Variants in CSMD1 observed in about 807,000 individuals in gnomAD.
CSMD1 encodes the protein CUB and sushi domain-containing protein 1.
A neutral mutation model predicts 417.5 loss-of-function variants in CSMD1; 213 were observed. The ratio of observed to expected loss-of-function variants is 0.51; its 90% CI spans 0.46 to 0.57. CSMD1 has a LOEUF of 0.57. Ranked by LOEUF, CSMD1 falls within the 20% of genes least tolerant of loss-of-function variation. The pLI is 0.00. For synonymous variants in CSMD1, 2,862 were observed against 1,736.8 expected (o/e 1.65, Z -16.11); for missense variants, 6,923 against 4,529.7 (o/e 1.53, Z -15.17).
At chr8:3,131,011 G>C (rs969955816) in intron 41 of CSMD1, among the ~76,000 whole-genome samples, 2 of 152,146 alleles carry the variant, frequency 1.3e-5, no homozygotes, top group Non-Finnish European at 2.9e-5. Flanking sequence ...GTTTCTTACG[G>C]TCCTCCAGCG....
intron 2 of CSMD1, among the ~76,000 whole-genome samples, chr8:4,487,257 G>A (rs1201370937): frequency 5.9e-5 from 9 of 151,966 alleles, no homozygotes; most frequent in African/African-American, 2.2e-4. Context: ...GTGCCATGCC[G>A]GTGCGGTGCA....
At chr8:4,293,545 AC>A (rs1267385285) in intron 3 of CSMD1, among the ~76,000 whole-genome samples, 2 of 152,184 alleles carry the variant, frequency 1.3e-5, no homozygotes, top group Non-Finnish European at 2.9e-5. Flanking sequence ...TAGACTTGTC[AC>A]CCCTGTGCCT....
intron 3 of CSMD1, among the ~76,000 whole-genome samples, chr8:4,328,330 G>T (rs537539816): frequency 6.7e-6 from 1 of 149,756 alleles, no homozygotes; most frequent in Non-Finnish European, 1.5e-5. Context: ...TCAACTGTGC[G>T]GTCTGAGACT....
chr8:4,013,942 A>T (rs190957932), intron 4 of CSMD1, among the ~76,000 whole-genome samples: 14 of 152,312 alleles, frequency 9.2e-5, no homozygotes, highest in Admixed American at 7.8e-4. Flanking sequence ...GCCCTGATTG[A>T]TAAGTGTATG....
At position 2,998,000 on chromosome 8, in the gene CSMD1, G is replaced by A. The variant is rs771371215; in HGVS notation, c.8377+11C>T. 2 of 1,611,564 alleles carry A rather than the reference G, an allele frequency of 1.2e-6. No individual in the cohort carries two copies. The highest frequency in any genetic ancestry group is 3.3e-5 in the Admixed American group (2 of 59,884). On this transcript the variant is annotated intron_variant, in intron 54 of 69. Coordinates refer to ENST00000635120, the MANE Select transcript of CSMD1 (RefSeq NM_033225.6). Reference sequence around the variant, plus strand: ...CAGAGCAAAGGGCTCATTCCTGGATGCTGTTCCTACCTCGACACGTGGGCA... The same window carrying A: ...CAGAGCAAAGGGCTCATTCCTGGATACTGTTCCTACCTCGACACGTGGGCA...
chr8:4,032,945 G>A (rs1022768077), intron 3 of CSMD1, among the ~76,000 whole-genome samples: 5 of 151,994 alleles, frequency 3.3e-5, no homozygotes, highest in African/African-American at 4.8e-5. Context: ...ATTACTGATA[G>A]AACAGGCTCC....
intron 1 of CSMD1, among the ~76,000 whole-genome samples, chr8:4,748,704 G>A (rs983971934): frequency 2.6e-5 from 4 of 152,218 alleles, no homozygotes; most frequent in African/African-American, 9.6e-5. Flanking sequence ...GCCCACACCT[G>A]AGTTGCAGAT....
At chr8:4,185,956 G>C (rs766488591) in intron 3 of CSMD1, among the ~76,000 whole-genome samples, 1 of 152,062 alleles carries the variant, frequency 6.6e-6, no homozygotes, top group Non-Finnish European at 1.5e-5. Context: ...TAAGGTCTAC[G>C]GTGGAATACA....
At chr8:3,954,878 C>G (rs1020332145) in intron 5 of CSMD1, among the ~76,000 whole-genome samples, 6 of 152,170 alleles carry the variant, frequency 3.9e-5, no homozygotes, top group Non-Finnish European at 5.9e-5. Context: ...CTTCCTTATT[C>G]TGGTGGAGGG....
intron 1 of CSMD1, among the ~76,000 whole-genome samples, chr8:4,808,527 G>A (rs534705485): frequency 4.9e-4 from 75 of 152,224 alleles, no homozygotes; most frequent in African/African-American, 1.7e-3. Context: ...ATCCCTTGTG[G>A]TAGAAAAAGG....
At chr8:4,840,078 C>A (rs1460331811) in intron 1 of CSMD1, among the ~76,000 whole-genome samples, 1 of 99,286 alleles carries the variant, frequency 1.0e-5, no homozygotes, top group African/African-American at 3.4e-5. Context: ...CATCCATAGG[C>A]TTGGGAAGAG....
intron 3 of CSMD1, among the ~76,000 whole-genome samples, chr8:4,050,488 C>T (rs1217305379): frequency 6.6e-6 from 1 of 151,994 alleles, no homozygotes; most frequent in Non-Finnish European, 1.5e-5. Context: ...ATTTTAATTG[C>T]ATCAGGGTAA....
At chr8:3,853,440 C>T (rs1021360308) in intron 5 of CSMD1, among the ~76,000 whole-genome samples, 1 of 152,090 alleles carries the variant, frequency 6.6e-6, no homozygotes, top group Non-Finnish European at 1.5e-5. Flanking sequence ...TATTTACTCC[C>T]AGGAAATGGT....
chr8:3,311,279 T>C (rs77861598), intron 23 of CSMD1, among the ~76,000 whole-genome samples: 12,628 of 151,900 alleles, frequency 0.083, 673 homozygotes, highest in Non-Finnish European at 0.12. Context: ...GGAAATGCAG[T>C]CTGTCTGTTG....
chr8:4,925,665 G>C lies in CSMD1; in HGVS notation c.85+68667C>G, dbSNP rs377565860. On this transcript the variant is annotated intron_variant, in intron 1 of 69. Coordinates refer to ENST00000635120, the MANE Select transcript of CSMD1 (RefSeq NM_033225.6). ...GGGTTCACGCCATTCTCCTGCCTCA[G>C]CCTCCCAAGTAGCTGGGACTACAGG... Among the ~76,000 whole-genome samples the C allele has an allele frequency of 3.2e-3, 486 of 151,782 alleles. 2 individuals carry two copies. The highest frequency in any genetic ancestry group is 0.011 in the African/African-American group (447 of 41,372).
chr8:4,787,839 G>C, intron 1 of CSMD1: 1 of 1,571,404 alleles, frequency 6.4e-7, no homozygotes, highest in Non-Finnish European at 8.7e-7. Flanking sequence ...TTGAAATGCT[G>C]GAGAAATCCT....
At chr8:4,678,363 A>T (rs996585462) in intron 1 of CSMD1, among the ~76,000 whole-genome samples, 1 of 152,148 alleles carries the variant, frequency 6.6e-6, no homozygotes, top group Non-Finnish European at 1.5e-5. Context: ...GTGAGCCAAG[A>T]TCATGTGACT....
intron 3 of CSMD1, among the ~76,000 whole-genome samples, chr8:4,097,532 T>C (rs998131838): frequency 1.8e-4 from 27 of 152,324 alleles, no homozygotes; most frequent in African/African-American, 6.5e-4. Context: ...TGTGTTCAGA[T>C]TCACCTCAAG....
At chr8:4,869,477 T>C (rs936927382) in intron 1 of CSMD1, among the ~76,000 whole-genome samples, 2 of 152,100 alleles carry the variant, frequency 1.3e-5, no homozygotes, top group Admixed American at 1.3e-4. Context: ...CCAGACTATA[T>C]AATGCAGTCA....
Sources: allele counts gnomAD v4.1 joint callset (sites outside exome capture counted in the v4.1 genomes callset), GRCh38; gene constraint gnomAD v4.1.1; transcripts MANE v1.5; gene names NCBI Gene and HGNC (gene_info 2026-07-23, HGNC 2026-07-21).